Variants in ZSCAN32 observed in about 807,000 individuals in gnomAD.
ZSCAN32 encodes the protein zinc finger and SCAN domain-containing protein 32.
A neutral mutation model predicts 47.4 loss-of-function variants in ZSCAN32; 52 were observed. That is an observed-to-expected ratio of 1.10 (90% confidence interval 0.88 to 1.38). The LOEUF (loss-of-function observed/expected upper bound fraction) is 1.38. Ranked by LOEUF, ZSCAN32 falls within the 40% of genes most tolerant of loss-of-function variation. ZSCAN32 has a pLI of 0.00. For synonymous variants in ZSCAN32, 346 were observed against 305.7 expected, an observed-to-expected ratio of 1.13 and a Z score of -1.38; for missense variants, 959 against 846.0, an observed-to-expected ratio of 1.13 and a Z score of -1.66.
At chr16:3,390,629 T>A in intron 3 of ZSCAN32, 112 bp from the exon 4 acceptor site, 1 of 818,572 alleles carries the variant, frequency 1.2e-6, no homozygotes, top group Non-Finnish European at 1.9e-6. Flanking sequence ...TGGCAACCCA[T>A]CAGAAATACA....
chr16:3,390,735 G>C (rs927097122), intron 3 of ZSCAN32, among the ~76,000 whole-genome samples: 1 of 152,212 alleles, frequency 6.6e-6, no homozygotes, highest in Non-Finnish European at 1.5e-5. Flanking sequence ...GAATGAGTCT[G>C]AGGCAAACTC....
In ZSCAN32 at chr16:3,390,024, CTG is replaced by C. The variant is rs1567312931; in HGVS notation, c.735_736del (p.Asp245GlufsTer14). 6.2e-7 allele frequency: 1 copy of C among 1,612,956 alleles called. No individual in the cohort carries two copies. On this transcript the variant is annotated frameshift_variant, in exon 5 of 7. Coordinates refer to ENST00000396852, the MANE Select transcript of ZSCAN32 (RefSeq NM_001284527.2). LOFTEE classifies it high-confidence loss of function. ...TGGATCCTTACCCAGCGAGACGTGA[CTG>C]TCCTTCCTCTGGGTGGCACCCCTGT...
In ZSCAN32 at chr16:3,382,776, G is replaced by C. The variant is rs1320420725; in HGVS notation, c.*76C>G. ...AGGTCTGTTGCAAAGTCAGGGACTG[G>C]CTAGATCTCTCCACAGCAGAAGAAA... On this transcript the variant is annotated 3_prime_UTR_variant, in exon 7 of 7. Transcript: ENST00000396852. The C allele has an allele frequency of 4.0e-6, 6 of 1,511,692 alleles. No homozygotes were observed. In the South Asian group the frequency reaches 4.1e-5, roughly 10 times the overall value. The allele number at this position is 1,511,692 out of a possible 1,614,324, so 93.6% of individuals were successfully genotyped here.
chr16:3,384,913 C>G lies in ZSCAN32; in HGVS notation c.780G>C (p.Glu260Asp), dbSNP rs2031763629. The G allele has an allele frequency of 6.2e-7, 1 of 1,613,806 alleles. No homozygotes were observed. Among genetic ancestry groups the G allele is most frequent in the Non-Finnish European group, 8.5e-7 (1 of 1,180,012 alleles). Residue 260 changes from glutamate (E) to aspartate (D), a missense_variant, in exon 6 of 7, where the codon GAG (glutamate) becomes GAC (aspartate). Glu to Asp is a conservative substitution (Grantham distance 45, BLOSUM62 2). Transcript: ENST00000396852. The stretch of plus-strand genomic sequence containing the variant: ...TAAGAATAGCCAGGAGCGTCTTGGT[C>G]TCTTCATAGCCCCAGGGCACACCTG... ...LATGVPWGYE[E>D]TKTLLAILSS...
At chr16:3,393,583 G>A in intron 3 of ZSCAN32, 66 bp downstream of exon 3, 1 of 1,434,170 alleles carries the variant, frequency 7.0e-7, no homozygotes, top group Non-Finnish European at 9.3e-7. Flanking sequence ...ACTCAGTTCA[G>A]ACCTTTGTTT....
At position 3,395,163 on chromosome 16, in the gene ZSCAN32, T is replaced by C. The variant is rs79954183; in HGVS notation, c.367-1349A>G. Among the ~76,000 whole-genome samples the C allele has an allele frequency of 3.9e-3, 595 of 152,320 alleles. 6 individuals carry two copies. The highest frequency in any genetic ancestry group is 0.016 in the South Asian group (77 of 4,830). Reference sequence around the variant, plus strand: ...TTCAGAGCCATCTTCATTCTTTAAGTCCCATGCTTATAACAAACACCCTTA... The same window carrying C: ...TTCAGAGCCATCTTCATTCTTTAAGCCCCATGCTTATAACAAACACCCTTA... On this transcript the variant is annotated intron_variant, in intron 2 of 6. Transcript: ENST00000396852.
chr16:3,394,574 C>T (rs1015723783), intron 2 of ZSCAN32, among the ~76,000 whole-genome samples: 1 of 152,186 alleles, frequency 6.6e-6, no homozygotes, highest in Non-Finnish European at 1.5e-5. Flanking sequence ...CCAATCCATT[C>T]TCTCTACATG....
Position 3,383,341 on chromosome 16 carries a change from A to G in ZSCAN32, c.1605T>C (p.Tyr535=), listed in dbSNP as rs935761175. 1.4e-5 allele frequency: 22 copies of G among 1,614,084 alleles called. 1 individual carries two copies. Among genetic ancestry groups the G allele is most frequent in the African/African-American group, 2.7e-5 (2 of 74,924 alleles). Residue 535 remains tyrosine, a synonymous_variant, in exon 7 of 7, where the codon TAT becomes TAC. Coordinates refer to ENST00000396852, the MANE Select transcript of ZSCAN32 (RefSeq NM_001284527.2). ...TGTGGATTCTTTGATGCCGAACAAG[A>G]TAAGAACTTCGGCTAAAGGTTTTCC... is the stretch of plus-strand genomic sequence containing the variant. ...ECGKTFSRSS[Y]LVRHQRIHTG...
chr16:3,393,805 A>G lies in ZSCAN32; in HGVS notation c.376T>C (p.Ser126Pro), dbSNP rs770904271. 37 of 1,549,194 alleles carry G rather than the reference A, an allele frequency of 2.4e-5. No homozygotes were observed. In the South Asian group the frequency reaches 4.3e-4, roughly 18 times the overall value. The change falls in exon 3 of 7, where the codon TCT becomes CCT. Residue 126 changes from serine (S) to proline (P), a missense_variant. Coordinates refer to ENST00000396852, the MANE Select transcript of ZSCAN32 (RefSeq NM_001284527.2). ...ATGAGTACTTTCAAGTCCTTCTCAGAATCTAGAACCTGAGAACAGACCCCA... is the reference window on the plus strand; with the variant it reads ...ATGAGTACTTTCAAGTCCTTCTCAGGATCTAGAACCTGAGAACAGACCCCA... ...QRAPGQQVLD[S>P]EKDLKVLMKE...
In ZSCAN32 at chr16:3,384,465, T is replaced by TAA; in HGVS notation, c.1227_1228insTT (p.Arg410LeufsTer16). On this transcript the variant is annotated frameshift_variant, in exon 6 of 7. Transcript: ENST00000396852. LOFTEE classifies it low-confidence loss of function (END_TRUNC). Reference sequence around the variant, plus strand: ...AGAGCCAAGGGAGTCTTACCAAGTCTGTTTGGGAACAGCACTGGCAGGTCT... The same window carrying TAA: ...AGAGCCAAGGGAGTCTTACCAAGTCTAAGTTTGGGAACAGCACTGGCAGGTCT... 6.2e-7 allele frequency: 1 copy of TAA among 1,614,176 alleles called. No homozygotes were observed. Among genetic ancestry groups the TAA allele is most frequent in the East Asian group, 2.2e-5 (1 of 44,880 alleles).
intron 2 of ZSCAN32, among the ~76,000 whole-genome samples, chr16:3,396,696 G>A (rs1389707811): frequency 6.6e-6 from 1 of 152,172 alleles, no homozygotes; most frequent in Non-Finnish European, 1.5e-5. Context: ...CTCAGACCTA[G>A]TCCTGACCGT....
intron 5 of ZSCAN32, 34 bp from the exon 6 acceptor site, chr16:3,384,975 CAGTT>C: frequency 6.3e-7 from 1 of 1,590,960 alleles, no homozygotes; most frequent in Non-Finnish European, 8.5e-7. Context: ...TTAGATCTGT[CAGTT>C]AGATCATGGA....
Position 3,382,935 on chromosome 16 carries a change from T to C in ZSCAN32, c.2011A>G (p.Thr671Ala). ...TGACGGGTGAGGGCAGAGTTCTTAGTGAAGCCTCTCTCACAGTGAGAACAC... is the reference window on the plus strand; with the variant it reads ...TGACGGGTGAGGGCAGAGTTCTTAGCGAAGCCTCTCTCACAGTGAGAACAC... ...YRCSHCERGF[T>A]KNSALTRHQT... Residue 671 changes from threonine (T) to alanine (A), a missense_variant, in exon 7 of 7, where the codon ACT becomes GCT. Thr to Ala is a moderately conservative substitution (Grantham distance 58). Coordinates refer to ENST00000396852, the MANE Select transcript of ZSCAN32 (RefSeq NM_001284527.2). 1.2e-6 allele frequency: 2 copies of C among 1,613,572 alleles called. No individual in the cohort carries two copies. Among genetic ancestry groups the C allele is most frequent in the Non-Finnish European group, 1.7e-6 (2 of 1,179,656 alleles).
At chr16:3,393,931 G>T in intron 2 of ZSCAN32, 117 bp from the exon 3 acceptor site, 1 of 867,576 alleles carries the variant, frequency 1.2e-6, no homozygotes, top group South Asian at 2.4e-5. Context: ...AAAAATCTAG[G>T]AGCCACTGTA....
Position 3,383,094 on chromosome 16 carries a change from A to C in ZSCAN32, c.1852T>G (p.Ser618Ala), listed in dbSNP as rs757902557. 1 of 1,614,144 alleles carries C rather than the reference A, an allele frequency of 6.2e-7. No individual in the cohort carries two copies. The highest frequency in any genetic ancestry group is 1.1e-5 in the South Asian group (1 of 91,082). Residue 618 changes from serine (S) to alanine (A), a missense_variant, in exon 7 of 7, where the codon TCC becomes GCC. By Grantham distance (99) the Ser-to-Ala change is moderately conservative (BLOSUM62 1). Coordinates refer to ENST00000396852, the MANE Select transcript of ZSCAN32 (RefSeq NM_001284527.2). The stretch of plus-strand genomic sequence containing the variant: ...ATGCGCCGGTGAGCACTGAACTGGG[A>C]ACTGTTGTTGAATCTCTTTCCACAG... ...IVCGKRFNNS[S>A]QFSAHRRIHT...
intron 5 of ZSCAN32, among the ~76,000 whole-genome samples, chr16:3,389,421 G>C (rs1249663481): frequency 3.9e-5 from 6 of 152,210 alleles, no homozygotes; most frequent in African/African-American, 1.4e-4. Flanking sequence ...GTCTGTCTCT[G>C]AATCTGCATG....
intron 5 of ZSCAN32, among the ~76,000 whole-genome samples, chr16:3,386,593 A>G (rs1410596920): frequency 6.6e-6 from 1 of 152,264 alleles, no homozygotes; most frequent in Admixed American, 6.5e-5. Context: ...TGTATACACC[A>G]TGGAATACTA....
At chr16:3,387,690 T>C (rs1259471260) in intron 5 of ZSCAN32, among the ~76,000 whole-genome samples, 1 of 152,236 alleles carries the variant, frequency 6.6e-6, no homozygotes, top group Non-Finnish European at 1.5e-5. Flanking sequence ...CTGGTCTTCT[T>C]GCTTCCACTC....
In ZSCAN32 at chr16:3,386,855, T is replaced by G. The variant is rs182016746; in HGVS notation, c.752-1914A>C. Among the ~76,000 whole-genome samples, 190 of 151,468 alleles carry G rather than the reference T, an allele frequency of 1.3e-3. 1 individual carries two copies. Among genetic ancestry groups the G allele is most frequent in the African/African-American group, 4.2e-3 (174 of 41,172 alleles). Reference sequence around the variant, plus strand: ...TACCTAATGTTAAATGACGAGTTCATGGGTGCAGCACACCAACATGGCACA... The same window carrying G: ...TACCTAATGTTAAATGACGAGTTCAGGGGTGCAGCACACCAACATGGCACA... On this transcript the variant is annotated intron_variant, in intron 5 of 6. Coordinates refer to ENST00000396852, the MANE Select transcript of ZSCAN32 (RefSeq NM_001284527.2).
Sources: allele counts gnomAD v4.1 joint callset (sites outside exome capture counted in the v4.1 genomes callset), GRCh38; gene constraint gnomAD v4.1.1; transcripts MANE v1.5; gene names NCBI Gene and HGNC (gene_info 2026-07-23, HGNC 2026-07-21).